CD99L2: variants seen among roughly 807,000 people sequenced by gnomAD.
The protein encoded by CD99L2 is CD99 molecule like 2.
In CD99L2, 24 loss-of-function variants were observed where a neutral mutation model predicts 27.3. That is an observed-to-expected ratio of 0.88 (90% CI 0.64 to 1.24). The LOEUF (loss-of-function observed/expected upper bound fraction) is 1.24. CD99L2 is among the 50% of genes most tolerant of loss of function. The pLI is 0.00. For synonymous variants in CD99L2, 97 were observed against 87.9 expected, an observed-to-expected ratio of 1.10 and a Z score of -0.58; for missense variants, 255 against 221.6, an observed-to-expected ratio of 1.15 and a Z score of -0.96.
At chrX:150,838,056 T>G (rs1011343488) in intron 1 of CD99L2, among the ~76,000 whole-genome samples, 43 of 112,674 alleles carry the variant, frequency 3.8e-4, no homozygotes, top group African/African-American at 1.3e-3. Flanking sequence ...TGATATAATG[T>G]GACAGGATGT....
At position 150,777,456 on chromosome X, in the gene CD99L2, C is replaced by T. The variant is rs182874251; in HGVS notation, c.523G>A (p.Asp175Asn). 1.7e-4 allele frequency: 208 copies of T among 1,210,426 alleles called. No individual in the cohort carries two copies. The East Asian group carries it at 2.3e-3, about 13-fold the overall frequency. ...TTCAGAAACCCACCAGATCCAGGGT[C>T]GTCATTGCTGCCGTACCGGCCATCA... ...KGDGRYGSND[D>N]PGSGMVAEPG... Residue 175 changes from aspartate to asparagine, a missense_variant, in exon 8 of 11, where the codon GAC becomes AAC. By Grantham distance (23) the Asp-to-Asn change is conservative. Coordinates refer to ENST00000370377, the MANE Select transcript of CD99L2 (RefSeq NM_031462.4).
intron 1 of CD99L2, among the ~76,000 whole-genome samples, chrX:150,857,609 G>C (rs1295221462): frequency 9.0e-6 from 1 of 111,648 alleles, no homozygotes; most frequent in Non-Finnish European, 1.9e-5. Context: ...ATGCTCAAGG[G>C]AGTCCTAAAC....
chrX:150,809,968 A>G (rs1349103956), intron 4 of CD99L2, among the ~76,000 whole-genome samples: 1 of 112,412 alleles, frequency 8.9e-6, no homozygotes, highest in Non-Finnish European at 1.9e-5. Flanking sequence ...TATATGAAAC[A>G]AAAGTTGATA....
intron 2 of CD99L2, chrX:150,816,521 ATTT>A (rs1399619087): frequency 7.5e-6 from 1 of 133,848 alleles, no homozygotes; most frequent in Admixed American, 7.6e-5. Flanking sequence ...ATATGGGAGT[ATTT>A]CATAAACTGA....
rs1187067040 is a variant in CD99L2, at chrX:150,853,609, T to C, written c.68-22316A>G. Among the ~76,000 whole-genome samples the C allele has an allele frequency of 2.7e-5, 3 of 111,655 alleles. No homozygotes were observed. The East Asian group carries it at 8.4e-4, about 31-fold the overall frequency. ...CTCCTAGTTTACAGCTCTGCCAAAA[T>C]AGACCTAGCAAGAAGGGGTCTTCTC... On this transcript the variant is annotated intron_variant, in intron 1 of 10. Transcript: ENST00000370377.
intron 7 of CD99L2, among the ~76,000 whole-genome samples, chrX:150,780,135 CA>C (rs2045485416): frequency 8.9e-6 from 1 of 111,968 alleles, no homozygotes; most frequent in Non-Finnish European, 1.9e-5. Context: ...AAGAGACATA[CA>C]AATGGCCAAT....
chrX:150,841,949 C>G (rs1468753669), intron 1 of CD99L2, among the ~76,000 whole-genome samples: 1 of 111,503 alleles, frequency 9.0e-6, no homozygotes, highest in African/African-American at 3.3e-5. Flanking sequence ...ATTAACTAAA[C>G]TCAGTTTTGG....
At chrX:150,872,296 T>C (rs894054579) in intron 1 of CD99L2, among the ~76,000 whole-genome samples, 1 of 109,679 alleles carries the variant, frequency 9.1e-6, no homozygotes, top group Non-Finnish European at 1.9e-5. Context: ...GGTGGGGAAG[T>C]GCTATGAGGG....
At position 150,795,453 on chromosome X, in the gene CD99L2, C is replaced by T. The variant is rs140675421; in HGVS notation, c.311G>A (p.Arg104Lys). Residue 104 changes from arginine to lysine, a missense_variant, in exon 5 of 11, where the codon AGG becomes AAG. Physicochemically the swap from Arg to Lys is conservative, Grantham distance 26 (BLOSUM62 2). Coordinates refer to ENST00000370377, the MANE Select transcript of CD99L2 (RefSeq NM_031462.4). ...TGCTGGAGCTCTGGTGGTTACTGGC[C>T]TCTTGGTCGTGGTGGTTACATGGTT... is the stretch of plus-strand genomic sequence containing the variant. Reference protein sequence around the residue: ...RWNHVTTTTKRPVTTRAPANT... With the variant: ...RWNHVTTTTKKPVTTRAPANT... The T allele has an allele frequency of 4.8e-4, 578 of 1,209,430 alleles. No individual in the cohort carries two copies. The highest frequency in any genetic ancestry group is 4.7e-4 in the Non-Finnish European group (424 of 895,160).
chrX:150,815,524 T>C (rs1304453991), intron 3 of CD99L2, among the ~76,000 whole-genome samples: 1 of 112,073 alleles, frequency 8.9e-6, no homozygotes, highest in Non-Finnish European at 1.9e-5. Context: ...CATTTTTCTT[T>C]ACATCAGTGA....
chrX:150,830,718 A>G lies in CD99L2; in HGVS notation c.130+513T>C, dbSNP rs782469202. 9.8e-5 allele frequency among the ~76,000 whole-genome samples: 11 copies of G among 112,218 alleles called. No individual in the cohort carries two copies. In the South Asian group the frequency reaches 3.7e-3, roughly 38 times the overall value. ...TATGACTTGAGCTACAGAAACTGAT[A>G]TATCAGTTATCACACATTGTTAGGT... On this transcript the variant is annotated intron_variant, in intron 2 of 10. Coordinates refer to ENST00000370377, the MANE Select transcript of CD99L2 (RefSeq NM_031462.4).
At position 150,768,859 on chromosome X, in the gene CD99L2, G is replaced by C; in HGVS notation, c.*175C>G. ...TCGGCACCAAGTCTCAGCACGCTTG[G>C]GGCAGGGCAGAGAAACCAAACTCAC... On this transcript the variant is annotated 3_prime_UTR_variant, in exon 11 of 11. Coordinates refer to ENST00000370377, the MANE Select transcript of CD99L2 (RefSeq NM_031462.4). 1 of 997,225 alleles carries C rather than the reference G, an allele frequency of 1.0e-6. No homozygotes were observed. Among genetic ancestry groups the C allele is most frequent in the Non-Finnish European group, 1.3e-6 (1 of 788,455 alleles). The allele number at this position is 997,225 out of a possible 1,213,427, so 82.2% of individuals were successfully genotyped here. A position where few individuals can be genotyped will look rare whatever the true frequency, so the allele number is the denominator to read the frequency against.
intron 7 of CD99L2, among the ~76,000 whole-genome samples, chrX:150,778,771 G>C (rs1317637949): frequency 9.5e-6 from 1 of 105,069 alleles, no homozygotes; most frequent in Non-Finnish European, 1.9e-5. Flanking sequence ...CTGAATCCTT[G>C]AGCTCTATGC....
intron 1 of CD99L2, among the ~76,000 whole-genome samples, chrX:150,874,544 CACCA>C (rs2047201190): frequency 1.0e-5 from 1 of 97,433 alleles, no homozygotes; most frequent in African/African-American, 3.9e-5. Flanking sequence ...AGAAGGATGG[CACCA>C]TCCACCAAAT....
At chrX:150,795,566 C>T (rs2045783326) in intron 4 of CD99L2, 80 bp from the exon 5 acceptor site, 1 of 972,756 alleles carries the variant, frequency 1.0e-6, no homozygotes, top group Admixed American at 2.3e-5. Context: ...AGGGAAGTCA[C>T]ATCATGAATA....
At chrX:150,810,719 C>A (rs1233752128) in intron 4 of CD99L2, among the ~76,000 whole-genome samples, 2 of 111,142 alleles carry the variant, frequency 1.8e-5, no homozygotes, top group African/African-American at 6.5e-5. Context: ...GCAAGACTGA[C>A]AAAGAAAAGG....
At chrX:150,843,479 T>A (rs952823333) in intron 1 of CD99L2, among the ~76,000 whole-genome samples, 10 of 109,622 alleles carry the variant, frequency 9.1e-5, no homozygotes, top group African/African-American at 3.3e-4. Flanking sequence ...TGAAACCCCG[T>A]CTCTACTAAA....
At chrX:150,866,652 T>G (rs782487728) in intron 1 of CD99L2, among the ~76,000 whole-genome samples, 1 of 111,617 alleles carries the variant, frequency 9.0e-6, no homozygotes, top group African/African-American at 3.3e-5. Context: ...CACAGTAGAG[T>G]GACTCTAGTT....
chrX:150,849,036 G>A (rs1557421539), intron 1 of CD99L2, among the ~76,000 whole-genome samples: 2 of 111,323 alleles, frequency 1.8e-5, no homozygotes, highest in Admixed American at 9.6e-5. Flanking sequence ...TTTGACTTGT[G>A]CAACTTTTCT....
Sources: allele counts gnomAD v4.1 joint callset (sites outside exome capture counted in the v4.1 genomes callset), GRCh38; gene constraint gnomAD v4.1.1; transcripts MANE v1.5; gene names NCBI Gene and HGNC (gene_info 2026-07-23, HGNC 2026-07-21).